Variants in STX8 observed in about 807,000 individuals in gnomAD.
The protein encoded by STX8 is syntaxin 8, also known as syntaxin-8.
In STX8, 23 loss-of-function variants were observed where a neutral mutation model predicts 37.5. The observed-to-expected ratio is 0.61, with a 90% CI of 0.44 to 0.87. The LOEUF is 0.87. STX8 is among the 40% of genes least tolerant of loss of function. STX8 has a pLI of 0.00. For missense variants in STX8, 313 were observed against 284.7 expected, an observed-to-expected ratio of 1.10 and a Z score of -0.71; for synonymous variants, 115 against 99.1, an observed-to-expected ratio of 1.16 and a Z score of -0.95.
chr17:9,355,500 ATTT>A (rs35363770), intron 7 of STX8, among the ~76,000 whole-genome samples: 12 of 124,414 alleles, frequency 9.6e-5, no homozygotes, highest in Non-Finnish European at 8.4e-5. Flanking sequence ...ACACCTAGCA[ATTT>A]TTTTTTTTTT....
intron 7 of STX8, among the ~76,000 whole-genome samples, chr17:9,260,819 G>A (rs1471066184): frequency 6.6e-6 from 1 of 152,238 alleles, no homozygotes; most frequent in South Asian, 2.1e-4. Context: ...CCTACCTGGA[G>A]AGAATTCACT....
chr17:9,418,890 T>C (rs1913310687), intron 6 of STX8, among the ~76,000 whole-genome samples: 1 of 145,702 alleles, frequency 6.9e-6, no homozygotes, highest in Non-Finnish European at 1.5e-5. Flanking sequence ...AATGCTTTCA[T>C]TTTTTGCCCA....
chr17:9,478,032 G>A (rs1221297307), intron 6 of STX8, among the ~76,000 whole-genome samples: 1 of 152,094 alleles, frequency 6.6e-6, no homozygotes, highest in Non-Finnish European at 1.5e-5. Context: ...TATCTCTGAG[G>A]GCCATGAGGC....
intron 7 of STX8, among the ~76,000 whole-genome samples, chr17:9,272,358 C>T (rs569181018): frequency 2.6e-5 from 4 of 152,342 alleles, no homozygotes; most frequent in East Asian, 3.9e-4. Context: ...GATAACTACC[C>T]GGCAGGGAGT....
At chr17:9,361,188 T>TC (rs1911050256) in intron 7 of STX8, among the ~76,000 whole-genome samples, 1 of 152,062 alleles carries the variant, frequency 6.6e-6, no homozygotes, top group Admixed American at 6.6e-5. Flanking sequence ...AATTAATGGA[T>TC]CCCTAGAGCT....
chr17:9,387,866 T>C (rs1351574253), intron 6 of STX8, among the ~76,000 whole-genome samples: 1 of 152,158 alleles, frequency 6.6e-6, no homozygotes, highest in Non-Finnish European at 1.5e-5. Context: ...GTTAACTGGG[T>C]TTCTAGATAG....
At chr17:9,259,122 A>G (rs576009189) in intron 7 of STX8, among the ~76,000 whole-genome samples, 1 of 152,234 alleles carries the variant, frequency 6.6e-6, no homozygotes, top group African/African-American at 2.4e-5. Context: ...CCTGACTTCT[A>G]ATCTGCCACT....
chr17:9,410,084 C>T (rs1476596765), intron 6 of STX8, among the ~76,000 whole-genome samples: 2 of 152,352 alleles, frequency 1.3e-5, no homozygotes, highest in East Asian at 1.9e-4. Flanking sequence ...CAGACAAATG[C>T]GATGGCTGTA....
chr17:9,466,790 C>G (rs1342237290), intron 6 of STX8, among the ~76,000 whole-genome samples: 1 of 152,176 alleles, frequency 6.6e-6, no homozygotes, highest in African/African-American at 2.4e-5. Flanking sequence ...ATTCAACCAA[C>G]CTTCACCAAC....
At chr17:9,473,038 CTTT>C (rs1259054185) in intron 6 of STX8, among the ~76,000 whole-genome samples, 1 of 107,630 alleles carries the variant, frequency 9.3e-6, no homozygotes, top group Non-Finnish European at 2.0e-5. Context: ...GTCTCAGGAT[CTTT>C]TTTTCTTTTT....
At chr17:9,558,416 CCCTCCA>C (rs1907067711) in intron 2 of STX8, among the ~76,000 whole-genome samples, 1 of 152,162 alleles carries the variant, frequency 6.6e-6, no homozygotes, top group Non-Finnish European at 1.5e-5. Context: ...CATCCAGCAG[CCCTCCA>C]AGGCACCAGC....
At chr17:9,413,395 G>A (rs1267057833) in intron 6 of STX8, among the ~76,000 whole-genome samples, 1 of 152,192 alleles carries the variant, frequency 6.6e-6, no homozygotes, top group African/African-American at 2.4e-5. Context: ...TGGTAGCTGG[G>A]GGACATGGAG....
intron 7 of STX8, among the ~76,000 whole-genome samples, chr17:9,288,628 C>G (rs569840237): frequency 2.7e-4 from 41 of 152,044 alleles, no homozygotes; most frequent in Non-Finnish European, 4.3e-4. Flanking sequence ...CGCCACTGCA[C>G]TCCAGCCTGG....
intron 7 of STX8, among the ~76,000 whole-genome samples, chr17:9,365,748 C>T (rs1377226072): frequency 1.3e-5 from 2 of 152,152 alleles, no homozygotes; most frequent in Middle Eastern, 3.2e-3. Flanking sequence ...CCGAGGTGGG[C>T]GGAACATGAG....
intron 6 of STX8, among the ~76,000 whole-genome samples, chr17:9,409,781 A>G (rs1196687083): frequency 1.3e-5 from 2 of 150,824 alleles, no homozygotes; most frequent in Admixed American, 1.4e-4. Context: ...CCCTAATTGG[A>G]AGCACTGGGG....
chr17:9,547,657 GA>G (rs1906595811), intron 3 of STX8, among the ~76,000 whole-genome samples: 1 of 142,518 alleles, frequency 7.0e-6, no homozygotes, highest in Non-Finnish European at 1.5e-5. Flanking sequence ...GAAAAGAAAA[GA>G]AAAGAAATAC....
chr17:9,452,296 A>C (rs1250927887), intron 6 of STX8: 1 of 152,128 alleles, frequency 6.6e-6, no homozygotes, highest in African/African-American at 2.4e-5. Flanking sequence ...TATGAGAAAG[A>C]AAATTGACAT....
chr17:9,264,131 GA>G (rs1176403689), intron 7 of STX8, among the ~76,000 whole-genome samples: 2 of 152,202 alleles, frequency 1.3e-5, no homozygotes, highest in Non-Finnish European at 2.9e-5. Context: ...AGAAGACAGA[GA>G]AAAGAGATGC....
chr17:9,482,184 A>AT (rs1014948031), intron 6 of STX8, among the ~76,000 whole-genome samples: 10 of 150,512 alleles, frequency 6.6e-5, no homozygotes, highest in Non-Finnish European at 8.9e-5. Context: ...CCCTGTCCCT[A>AT]TTTTTTTTTA....
Sources: allele counts gnomAD v4.1 joint callset (sites outside exome capture counted in the v4.1 genomes callset), GRCh38; gene constraint gnomAD v4.1.1; transcripts MANE v1.5; gene names NCBI Gene and HGNC (gene_info 2026-07-23, HGNC 2026-07-21).